The following ZNF804A variants were observed in gnomAD, a reference collection of about 807,000 sequenced individuals.
ZNF804A encodes the protein zinc finger protein 804A.
In ZNF804A, 2 loss-of-function variants were observed where a neutral mutation model predicts 16.5. The ratio of observed to expected loss-of-function variants is 0.12; its 90% CI spans 0.05 to 0.38. The LOEUF (loss-of-function observed/expected upper bound fraction) is 0.38, where lower values mean the gene tolerates loss of function less well. ZNF804A is among the 10% of genes least tolerant of loss of function. ZNF804A has a pLI of 0.99. For synonymous variants in ZNF804A, 534 were observed against 489.6 expected, an observed-to-expected ratio of 1.09 and a Z score of -1.20; for missense variants, 1,473 against 1,390.7, an observed-to-expected ratio of 1.06 and a Z score of -0.94.
chr2:184,602,016 G>A, intron 1 of ZNF804A, among the ~76,000 whole-genome samples: 1 of 151,808 alleles, frequency 6.6e-6, no homozygotes, highest in East Asian at 1.9e-4. Flanking sequence ...ATATTTTAGT[G>A]CCAGTGATTA....
At chr2:184,804,241 A>T (rs1694767978) in intron 1 of ZNF804A, among the ~76,000 whole-genome samples, 2 of 152,096 alleles carry the variant, frequency 1.3e-5, no homozygotes, top group African/African-American at 4.8e-5. Context: ...TTGATTTGTG[A>T]TCTTTAACTT....
chr2:184,840,277 C>T (rs896347628), intron 1 of ZNF804A, among the ~76,000 whole-genome samples: 3 of 152,088 alleles, frequency 2.0e-5, no homozygotes, highest in African/African-American at 7.2e-5. Context: ...GTAATTTCAG[C>T]TACTCAGGAG....
At chr2:184,855,685 T>C (rs1031540720) in intron 1 of ZNF804A, among the ~76,000 whole-genome samples, 1 of 151,778 alleles carries the variant, frequency 6.6e-6, no homozygotes, top group Non-Finnish European at 1.5e-5. Context: ...CGAATGAATA[T>C]GTGGGTGGGT....
At chr2:184,763,971 C>T (rs1294130587) in intron 1 of ZNF804A, among the ~76,000 whole-genome samples, 1 of 151,964 alleles carries the variant, frequency 6.6e-6, no homozygotes, top group Non-Finnish European at 1.5e-5. Context: ...TGGTCTCTAT[C>T]TCTAACTTAT....
At chr2:184,657,471 G>A (rs1270163315) in intron 1 of ZNF804A, among the ~76,000 whole-genome samples, 1 of 152,002 alleles carries the variant, frequency 6.6e-6, no homozygotes, top group African/African-American at 2.4e-5. Context: ...CCCTACTTTT[G>A]GGGCTTTTTG....
At chr2:184,729,675 T>C (rs1047203780) in intron 1 of ZNF804A, among the ~76,000 whole-genome samples, 15 of 152,252 alleles carry the variant, frequency 9.9e-5, no homozygotes, top group African/African-American at 3.1e-4. Context: ...ACGTTGAATA[T>C]AGACTGTAGA....
chr2:184,936,413 T>C lies in ZNF804A; in HGVS notation c.1017T>C (p.Ser339=). Residue 339 remains serine (S), a synonymous_variant, in exon 4 of 4, where the codon AGT becomes AGC. Coordinates refer to ENST00000302277, the MANE Select transcript of ZNF804A (RefSeq NM_194250.2). ...TAGCAGATCAAATACCACTAGAGAG[T>C]GTTGTTATTAATGAAGACATACCTG... ...VPLADQIPLE[S]VVINEDIPVS... 1 of 1,613,788 alleles carries C rather than the reference T, an allele frequency of 6.2e-7. No individual in the cohort carries two copies. The highest frequency in any genetic ancestry group is 8.5e-7 in the Non-Finnish European group (1 of 1,179,920).
chr2:184,783,664 C>T (rs1694406371), intron 1 of ZNF804A, among the ~76,000 whole-genome samples: 1 of 151,848 alleles, frequency 6.6e-6, no homozygotes, highest in Non-Finnish European at 1.5e-5. Context: ...TCTCTGGTTT[C>T]TCCTGTAAGC....
chr2:184,678,407 T>C (rs1559124210), intron 1 of ZNF804A, among the ~76,000 whole-genome samples: 2 of 152,120 alleles, frequency 1.3e-5, no homozygotes, highest in Non-Finnish European at 2.9e-5. Flanking sequence ...TATTTTTATA[T>C]CAAGTCTATT....
chr2:184,693,249 C>G (rs1204183149), intron 1 of ZNF804A, among the ~76,000 whole-genome samples: 1 of 151,900 alleles, frequency 6.6e-6, no homozygotes, highest in Non-Finnish European at 1.5e-5. Flanking sequence ...ATAAGGTATT[C>G]TCAATTATCT....
At chr2:184,773,615 G>A (rs79891609) in intron 1 of ZNF804A, among the ~76,000 whole-genome samples, 1 of 151,958 alleles carries the variant, frequency 6.6e-6, no homozygotes, top group East Asian at 1.9e-4. Flanking sequence ...GGATGCAAAG[G>A]CATAAGAATG....
intron 2 of ZNF804A, among the ~76,000 whole-genome samples, chr2:184,878,954 T>C (rs1285938369): frequency 1.3e-5 from 2 of 152,064 alleles, no homozygotes. Flanking sequence ...TTACCTATCA[T>C]AATATTTACC....
chr2:184,851,669 A>G (rs1695604903), intron 1 of ZNF804A, among the ~76,000 whole-genome samples: 1 of 151,910 alleles, frequency 6.6e-6, no homozygotes, highest in Non-Finnish European at 1.5e-5. Context: ...TATTTCTTCA[A>G]CATACCAATT....
At chr2:184,697,948 G>A (rs1332366979) in intron 1 of ZNF804A, among the ~76,000 whole-genome samples, 1 of 151,954 alleles carries the variant, frequency 6.6e-6, no homozygotes, top group East Asian at 1.9e-4. Context: ...GCTCCCACTT[G>A]AACCAAACAT....
chr2:184,677,995 AC>A lies in ZNF804A; in HGVS notation c.111+78927del, dbSNP rs1412104664. Reference sequence around the variant, plus strand: ...TTTTAACCCAGTGGTTAACATCTTAACCTTTTAACATCTTAGAAGGTCTGAA... The same window carrying A: ...TTTTAACCCAGTGGTTAACATCTTAACTTTTAACATCTTAGAAGGTCTGAA... On this transcript the variant is annotated intron_variant, in intron 1 of 3. Coordinates refer to ENST00000302277, the MANE Select transcript of ZNF804A (RefSeq NM_194250.2). Among the ~76,000 whole-genome samples the A allele has an allele frequency of 3.3e-5, 5 of 152,068 alleles. No individual in the cohort carries two copies. In the East Asian group the frequency reaches 9.7e-4, roughly 29 times the overall value.
chr2:184,698,010 GA>G (rs1692860805), intron 1 of ZNF804A, among the ~76,000 whole-genome samples: 1 of 151,920 alleles, frequency 6.6e-6, no homozygotes, highest in Non-Finnish European at 1.5e-5. Flanking sequence ...CTTTTATTTG[GA>G]AAATTGAAGT....
chr2:184,696,955 G>A (rs941390644), intron 1 of ZNF804A, among the ~76,000 whole-genome samples: 55 of 151,732 alleles, frequency 3.6e-4, no homozygotes, highest in Admixed American at 2.6e-3. Flanking sequence ...CAACCTAGAA[G>A]TGAAAATTAT....
chr2:184,773,882 C>T (rs1694252388), intron 1 of ZNF804A, among the ~76,000 whole-genome samples: 1 of 151,852 alleles, frequency 6.6e-6, no homozygotes, highest in Admixed American at 6.6e-5. Context: ...CAACAGAAAA[C>T]ACCATATTGA....
At chr2:184,684,501 G>A (rs1302684729) in intron 1 of ZNF804A, among the ~76,000 whole-genome samples, 1 of 152,178 alleles carries the variant, frequency 6.6e-6, no homozygotes, top group African/African-American at 2.4e-5. Flanking sequence ...TATGGAGGCT[G>A]AGTATTTTTC....
Sources: gnomAD v4.1 joint callset for allele counts (sites outside exome capture counted in the v4.1 genomes callset) on GRCh38, gnomAD v4.1.1 for gene constraint, MANE v1.5 for transcripts, NCBI Gene and HGNC (gene_info 2026-07-23, HGNC 2026-07-21) for gene names.